Variants in COL6A5 observed in about 807,000 individuals in gnomAD.
COL6A5 encodes the protein collagen type VI alpha 5 chain, also known as collagen alpha-5(VI) chain.
COL6A5 carries 48 observed loss-of-function variants against 65.6 expected under a neutral mutation model. That is an observed-to-expected ratio of 0.73 (90% CI 0.58 to 0.93). The LOEUF (loss-of-function observed/expected upper bound fraction) is 0.93. COL6A5 is among the 40% of genes least tolerant of loss of function. The pLI is 0.00. For synonymous variants in COL6A5, 291 were observed against 322.8 expected (o/e 0.90, Z 1.05); for missense variants, 914 against 928.3 (o/e 0.98, Z 0.20).
chr3:130,437,263 G>A (rs938195523), intron 1 of COL6A5, among the ~76,000 whole-genome samples: 1 of 151,922 alleles, frequency 6.6e-6, no homozygotes, highest in African/African-American at 2.4e-5. Flanking sequence ...GTACTTATTG[G>A]TAAATATAGC....
intron 10 of COL6A5, among the ~76,000 whole-genome samples, chr3:130,399,624 G>T (rs534900890): frequency 6.6e-6 from 1 of 151,978 alleles, no homozygotes; most frequent in South Asian, 2.1e-4. Flanking sequence ...GCCCACCTCG[G>T]CCTCCCAAAG....
intron 10 of COL6A5, among the ~76,000 whole-genome samples, chr3:130,399,216 C>A (rs1325947174): frequency 6.6e-6 from 1 of 152,162 alleles, no homozygotes; most frequent in Non-Finnish European, 1.5e-5. Context: ...CACAATATGT[C>A]CTGTTTTATT....
intron 5 of COL6A5, among the ~76,000 whole-genome samples, 173 bp from the exon 6 acceptor site, chr3:130,388,407 T>C (rs1252573497): frequency 6.6e-6 from 1 of 152,118 alleles, no homozygotes; most frequent in Non-Finnish European, 1.5e-5. Flanking sequence ...TGATTCAAGG[T>C]TCTAGTCAAC....
intron 19 of COL6A5, 76 bp from the exon 20 acceptor site, chr3:130,410,395 G>A: frequency 1.9e-6 from 2 of 1,042,896 alleles, no homozygotes. Flanking sequence ...TAGTGCTTGA[G>A]GTTTTGATGC....
chr3:130,433,104 C>T (rs1577504626), intron 1 of COL6A5, among the ~76,000 whole-genome samples: 1 of 152,216 alleles, frequency 6.6e-6, no homozygotes, highest in East Asian at 1.9e-4. Context: ...CTGTTCCTAA[C>T]ACATCCAAGC....
chr3:130,388,894 T>C (rs755300766), exon 6 of COL6A5: 4 of 1,548,024 alleles, frequency 2.6e-6, no homozygotes, highest in Middle Eastern at 1.7e-4. Context: ...GGGGGCCCGT[T>C]TGGGGGCCAA....
chr3:130,483,919 A>T (rs1710314025), intron 7 of COL6A5, 116 bp from the exon 41 acceptor site: 3 of 873,806 alleles, frequency 3.4e-6, no homozygotes, highest in Non-Finnish European at 5.3e-6. Flanking sequence ...GACCATTGAA[A>T]ATGACAAAAA....
chr3:130,389,099 A>G (rs1324963620), exon 6 of COL6A5: 12 of 1,448,802 alleles, frequency 8.3e-6, no homozygotes, highest in Non-Finnish European at 1.0e-5. Flanking sequence ...AAGGCACTAG[A>G]AAGGAAACTT....
At chr3:130,360,461 T>C (rs1224977325) in intron 1 of COL6A5, among the ~76,000 whole-genome samples, 1 of 152,134 alleles carries the variant, frequency 6.6e-6, no homozygotes, top group East Asian at 1.9e-4. Context: ...ATTCGACTAA[T>C]GTAGATTATG....
exon 3 of COL6A5, chr3:130,376,763 T>C: frequency 1.2e-6 from 2 of 1,613,686 alleles, no homozygotes; most frequent in East Asian, 4.5e-5. Flanking sequence ...TCAGCACATT[T>C]TCCCAAAACA....
chr3:130,356,991 A>C (rs1934946428), intron 1 of COL6A5, among the ~76,000 whole-genome samples: 1 of 152,210 alleles, frequency 6.6e-6, no homozygotes, highest in South Asian at 2.1e-4. Flanking sequence ...TAAACACAGA[A>C]AATTGAGAAT....
chr3:130,387,734 A>G (rs1577455448), intron 5 of COL6A5, among the ~76,000 whole-genome samples: 1 of 152,230 alleles, frequency 6.6e-6, no homozygotes, highest in East Asian at 1.9e-4. Context: ...AGAGGATGGC[A>G]GAGATTACAG....
intron 4 of COL6A5, among the ~76,000 whole-genome samples, chr3:130,450,857 GC>G (rs1709414859): frequency 6.6e-6 from 1 of 152,082 alleles, no homozygotes; most frequent in African/African-American, 2.4e-5. Context: ...GTTTAATTGG[GC>G]ATAAGTATCA....
exon 7 of COL6A5, chr3:130,470,945 G>T: frequency 1.2e-6 from 2 of 1,611,890 alleles, no homozygotes; most frequent in South Asian, 1.1e-5. Context: ...CCCAGAGAAC[G>T]GTGGCACAGA....
At chr3:130,354,632 C>G (rs901952152) in intron 1 of COL6A5, among the ~76,000 whole-genome samples, 4 of 152,202 alleles carry the variant, frequency 2.6e-5, no homozygotes, top group African/African-American at 7.2e-5. Flanking sequence ...TTAACCACTT[C>G]CTAAAAGAGT....
intron 3 of COL6A5, among the ~76,000 whole-genome samples, chr3:130,377,376 T>C (rs951648180): frequency 4.6e-5 from 7 of 152,236 alleles, no homozygotes; most frequent in Non-Finnish European, 7.3e-5. Flanking sequence ...CACTGTCTAT[T>C]CTCTTTCCTT....
chr3:130,395,096 C>T, exon 8 of COL6A5: 1 of 1,551,598 alleles, frequency 6.4e-7, no homozygotes, highest in Non-Finnish European at 8.7e-7. Context: ...GACTAAAACC[C>T]AGTGGAAGAC....
chr3:130,456,322 A>C (rs542626747), intron 5 of COL6A5, among the ~76,000 whole-genome samples: 87 of 152,248 alleles, frequency 5.7e-4, no homozygotes, highest in Admixed American at 2.3e-3. Context: ...TTCATTAAAA[A>C]GTGTGAGGGG....
rs2107659683 is a variant in COL6A5, at chr3:130,397,462, C to T, written c.3569-121C>T. On this transcript the variant is annotated intron_variant and NMD_transcript_variant, in intron 8 of 41. Coordinates refer to the COL6A5 transcript ENST00000312481. ...AGCAGCCAGTATCTTCCTTCTTGAA[C>T]ACTATTTGGGGACTAGAGACCCTCT... is the stretch of plus-strand genomic sequence containing the variant. The T allele has an allele frequency of 7.7e-6, 5 of 653,032 alleles. No homozygotes were observed. The South Asian group carries it at 8.3e-5, about 11-fold the overall frequency. 40.5% of individuals were successfully genotyped at this position (653,032 alleles called of 1,614,324 possible).
Sources: gnomAD v4.1 joint callset for allele counts (sites outside exome capture counted in the v4.1 genomes callset) on GRCh38, gnomAD v4.1.1 for gene constraint, MANE v1.5 for transcripts, NCBI Gene and HGNC (gene_info 2026-07-23, HGNC 2026-07-21) for gene names.